Variants in ASIC2 observed in about 807,000 individuals in gnomAD.
The protein encoded by ASIC2 is acid-sensing ion channel 2.
Under a neutral mutation model 57.3 loss-of-function variants are expected in ASIC2, and 25 were observed. That is an observed-to-expected ratio of 0.44 (90% CI 0.32 to 0.61). ASIC2 has a LOEUF of 0.61. Among genes scored for constraint, ASIC2 ranks in the 20% least tolerant of loss-of-function variants. ASIC2 has a pLI of 0.06. For synonymous variants in ASIC2, 319 were observed against 307.5 expected, an observed-to-expected ratio of 1.04 and a Z score of -0.39; for missense variants, 641 against 738.1, an observed-to-expected ratio of 0.87 and a Z score of 1.52.
chr17:33,147,981 A>G (rs916053351), intron 1 of ASIC2, among the ~76,000 whole-genome samples: 3 of 152,188 alleles, frequency 2.0e-5, no homozygotes, highest in Admixed American at 6.5e-5. Flanking sequence ...AGACAAGGAC[A>G]CTTCACGCTA....
At chr17:33,965,208 C>A (rs73276641) in intron 1 of ASIC2, among the ~76,000 whole-genome samples, 1 of 152,130 alleles carries the variant, frequency 6.6e-6, no homozygotes, top group African/African-American at 2.4e-5. Flanking sequence ...TATAGATGAG[C>A]AAATCAAGGT....
At chr17:33,341,427 G>A (rs1010669288) in intron 1 of ASIC2, among the ~76,000 whole-genome samples, 1 of 152,162 alleles carries the variant, frequency 6.6e-6, no homozygotes, top group Non-Finnish European at 1.5e-5. Flanking sequence ...GGCAAACCGT[G>A]ACTGTTTTTG....
chr17:33,370,672 T>A (rs1189319222), intron 1 of ASIC2, among the ~76,000 whole-genome samples: 2 of 152,194 alleles, frequency 1.3e-5, no homozygotes, highest in African/African-American at 4.8e-5. Flanking sequence ...TGGGAAATCA[T>A]CTCCAGAAAC....
At chr17:33,169,784 G>A (rs1428685301) in intron 1 of ASIC2, among the ~76,000 whole-genome samples, 1 of 152,136 alleles carries the variant, frequency 6.6e-6, no homozygotes, top group African/African-American at 2.4e-5. Flanking sequence ...TGGAGAAGAC[G>A]TCTATGAATG....
chr17:33,052,654 G>A (rs1438432726), intron 3 of ASIC2: 1 of 152,188 alleles, frequency 6.6e-6, no homozygotes, highest in East Asian at 1.9e-4. Context: ...GCTTGTTGGG[G>A]TCTTTGGGTC....
At chr17:34,143,297 G>C (rs1266787026) in intron 1 of ASIC2, among the ~76,000 whole-genome samples, 1 of 152,200 alleles carries the variant, frequency 6.6e-6, no homozygotes, top group Admixed American at 6.5e-5. Flanking sequence ...CTGTGAAATA[G>C]ACATATTGGT....
chr17:33,899,833 A>G (rs1005324852), intron 1 of ASIC2, among the ~76,000 whole-genome samples: 1 of 152,234 alleles, frequency 6.6e-6, no homozygotes, highest in African/African-American at 2.4e-5. Flanking sequence ...CTTATTTCAT[A>G]TAAGAGTGCA....
At chr17:33,470,591 T>G (rs917572605) in intron 1 of ASIC2, among the ~76,000 whole-genome samples, 2 of 152,232 alleles carry the variant, frequency 1.3e-5, no homozygotes, top group African/African-American at 4.8e-5. Context: ...GCTGATGCTA[T>G]GAGTCTGTGG....
At chr17:33,988,038 A>G (rs1905877808) in intron 1 of ASIC2, among the ~76,000 whole-genome samples, 1 of 152,244 alleles carries the variant, frequency 6.6e-6, no homozygotes, top group African/African-American at 2.4e-5. Context: ...AAGAAGTGGC[A>G]TCTGGAGTGA....
At chr17:34,055,653 TTG>T (rs1421638099) in intron 1 of ASIC2, among the ~76,000 whole-genome samples, 3 of 152,220 alleles carry the variant, frequency 2.0e-5, no homozygotes, top group East Asian at 1.9e-4. Context: ...CGGTATTTTC[TTG>T]TGTCTTTTAC....
At chr17:33,493,141 G>A (rs538154329) in intron 1 of ASIC2, among the ~76,000 whole-genome samples, 20 of 152,210 alleles carry the variant, frequency 1.3e-4, no homozygotes, top group African/African-American at 3.9e-4. Flanking sequence ...GTGGTCACTG[G>A]GCCCAGCAAA....
At chr17:33,734,757 C>T (rs147482134) in intron 1 of ASIC2, among the ~76,000 whole-genome samples, 1 of 152,082 alleles carries the variant, frequency 6.6e-6, no homozygotes, top group African/African-American at 2.4e-5. Flanking sequence ...AGAGAAAAGA[C>T]CATTTGAGGG....
At chr17:33,094,768 G>A (rs568720684) in intron 2 of ASIC2, among the ~76,000 whole-genome samples, 8 of 152,240 alleles carry the variant, frequency 5.3e-5, no homozygotes, top group South Asian at 4.1e-4. Flanking sequence ...TCCTAGCTCC[G>A]CCCCTTCTAC....
At chr17:33,867,646 G>A (rs542454208) in intron 1 of ASIC2, among the ~76,000 whole-genome samples, 91 of 152,338 alleles carry the variant, frequency 6.0e-4, no homozygotes, top group Non-Finnish European at 1.1e-3. Flanking sequence ...AGGGGGCTGA[G>A]GTTCTACTGG....
chr17:33,259,565 C>A (rs547641151), intron 1 of ASIC2, among the ~76,000 whole-genome samples: 1 of 152,124 alleles, frequency 6.6e-6, no homozygotes, highest in Non-Finnish European at 1.5e-5. Context: ...AAGCAACAGG[C>A]TGTGTCTTGG....
rs1369636909 is a variant in ASIC2 at position 34,077,986 on chromosome 17, A to T, written c.555+77992T>A. Among the ~76,000 whole-genome samples, 9 of 152,058 alleles carry T rather than the reference A, an allele frequency of 5.9e-5. No homozygotes were observed. The South Asian group carries it at 1.7e-3, about 28-fold the overall frequency. Reference sequence around the variant, plus strand: ...GTTAAAGTTATAGAGGGCCAGCTCTACTCTCTGATGACATCTTCACATCTC... The same window carrying T: ...GTTAAAGTTATAGAGGGCCAGCTCTTCTCTCTGATGACATCTTCACATCTC... On this transcript the variant is annotated intron_variant, in intron 1 of 9. Coordinates refer to the ASIC2 transcript ENST00000359872.
chr17:34,021,969 C>G (rs1189968874), intron 1 of ASIC2, among the ~76,000 whole-genome samples: 2 of 151,896 alleles, frequency 1.3e-5, no homozygotes, highest in African/African-American at 4.8e-5. Flanking sequence ...TCCCGAGTAG[C>G]TGGGACTATA....
At chr17:33,159,536 G>A (rs927605061) in intron 1 of ASIC2, among the ~76,000 whole-genome samples, 6 of 152,202 alleles carry the variant, frequency 3.9e-5, no homozygotes, top group Middle Eastern at 3.4e-3. Context: ...ATACACGGTC[G>A]CTAAAATCTA....
chr17:33,064,794 T>C (rs2092036277), intron 3 of ASIC2, among the ~76,000 whole-genome samples: 1 of 152,250 alleles, frequency 6.6e-6, no homozygotes, highest in Non-Finnish European at 1.5e-5. Context: ...TTGTTCCTAT[T>C]CGGCCATCTT....
Sources: gnomAD v4.1 joint callset for allele counts (sites outside exome capture counted in the v4.1 genomes callset) on GRCh38, gnomAD v4.1.1 for gene constraint, MANE v1.5 for transcripts, NCBI Gene and HGNC (gene_info 2026-07-23, HGNC 2026-07-21) for gene names.